Variants in PLCL2 observed in about 807,000 individuals in gnomAD.
The protein encoded by PLCL2 is inactive phospholipase C-like protein 2.
PLCL2 carries 4 observed loss-of-function variants against 79.6 expected under a neutral mutation model. That is an observed-to-expected ratio of 0.05 (90% CI 0.02 to 0.11). The LOEUF is 0.11. Ranked by LOEUF, PLCL2 falls within the 10% of genes least tolerant of loss-of-function variation. PLCL2 has a pLI of 1.00. For missense variants in PLCL2, 895 were observed against 1,291.0 expected (o/e 0.69, Z 4.70); for synonymous variants, 484 against 457.7 (o/e 1.06, Z -0.73).
chr3:16,972,032 A>C (rs2063874428), intron 1 of PLCL2, among the ~76,000 whole-genome samples: 1 of 152,006 alleles, frequency 6.6e-6, no homozygotes, highest in African/African-American at 2.4e-5. Context: ...ACGTATCTCA[A>C]AATAATAAGA....
intron 1 of PLCL2, among the ~76,000 whole-genome samples, chr3:16,959,275 G>A (rs141885541): frequency 7.9e-5 from 12 of 152,124 alleles, no homozygotes; most frequent in African/African-American, 1.4e-4. Context: ...GGTGGTCCAC[G>A]CTCCTATCTC....
intron 1 of PLCL2, among the ~76,000 whole-genome samples, chr3:16,941,973 T>C (rs938975413): frequency 2.0e-5 from 3 of 152,244 alleles, no homozygotes; most frequent in Non-Finnish European, 2.9e-5. Flanking sequence ...ACCATTCTTA[T>C]CTTTTTAGCC....
chr3:16,913,378 C>G (rs986481803), intron 1 of PLCL2, among the ~76,000 whole-genome samples: 2 of 151,030 alleles, frequency 1.3e-5, no homozygotes, highest in Admixed American at 6.6e-5. Context: ...TAGTAAGACT[C>G]TTCTGTGGGT....
At chr3:17,042,567 A>G (rs560776791) in intron 3 of PLCL2, among the ~76,000 whole-genome samples, 1 of 152,316 alleles carries the variant, frequency 6.6e-6, no homozygotes, top group South Asian at 2.1e-4. Context: ...ATTTGCACGC[A>G]TATTTGTAGC....
chr3:17,061,168 T>C (rs1289035170), intron 4 of PLCL2, among the ~76,000 whole-genome samples: 1 of 152,240 alleles, frequency 6.6e-6, no homozygotes, highest in Non-Finnish European at 1.5e-5. Context: ...GGTCGTCTGC[T>C]TTACGTTTGG....
chr3:16,953,411 A>G (rs1178731344), intron 1 of PLCL2, among the ~76,000 whole-genome samples: 1 of 152,190 alleles, frequency 6.6e-6, no homozygotes, highest in Non-Finnish European at 1.5e-5. Context: ...AGAAGATTAT[A>G]TCACTGTAAT....
intron 1 of PLCL2, among the ~76,000 whole-genome samples, chr3:16,972,810 T>C (rs1437217293): frequency 1.3e-5 from 2 of 152,126 alleles, no homozygotes; most frequent in Non-Finnish European, 2.9e-5. Context: ...GTAACTCCTG[T>C]TTTTTTCTGT....
intron 1 of PLCL2, among the ~76,000 whole-genome samples, chr3:16,963,921 C>T (rs2063779838): frequency 6.6e-6 from 1 of 152,102 alleles, no homozygotes; most frequent in African/African-American, 2.4e-5. Context: ...TTTCTTATAC[C>T]TGGCACTGTG....
intron 5 of PLCL2, among the ~76,000 whole-genome samples, chr3:17,069,891 C>T (rs2065046465): frequency 6.6e-6 from 1 of 152,110 alleles, no homozygotes; most frequent in Admixed American, 6.5e-5. Flanking sequence ...GTTTGCAGAT[C>T]AGTAAACAGC....
chr3:17,017,891 T>A (rs1280631969), intron 3 of PLCL2, among the ~76,000 whole-genome samples: 1 of 152,192 alleles, frequency 6.6e-6, no homozygotes, highest in East Asian at 1.9e-4. Context: ...ATGCAGATCG[T>A]TGTCCTAATG....
intron 1 of PLCL2, among the ~76,000 whole-genome samples, chr3:16,988,742 T>G (rs1296552516): frequency 6.6e-6 from 1 of 152,134 alleles, no homozygotes; most frequent in African/African-American, 2.4e-5. Flanking sequence ...TAGCTGAAAG[T>G]GAAATGTAAT....
chr3:16,962,691 A>G (rs2063766136), intron 1 of PLCL2, among the ~76,000 whole-genome samples: 2 of 152,184 alleles, frequency 1.3e-5, no homozygotes, highest in Admixed American at 1.3e-4. Context: ...ACTGCTTTGA[A>G]AAATAAAATG....
At chr3:16,988,368 A>T (rs2064071342) in intron 1 of PLCL2, among the ~76,000 whole-genome samples, 1 of 152,158 alleles carries the variant, frequency 6.6e-6, no homozygotes, top group Admixed American at 6.6e-5. Context: ...GTGCTAGTTG[A>T]CTTTTCCTTA....
chr3:16,914,287 G>C (rs1696944474), intron 1 of PLCL2, among the ~76,000 whole-genome samples: 1 of 152,134 alleles, frequency 6.6e-6, no homozygotes, highest in Non-Finnish European at 1.5e-5. Context: ...GAAATATATA[G>C]AACAGTGAGT....
At chr3:17,062,632 G>A (rs2064964079) in intron 4 of PLCL2, among the ~76,000 whole-genome samples, 1 of 152,212 alleles carries the variant, frequency 6.6e-6, no homozygotes, top group African/African-American at 2.4e-5. Context: ...ATGGGACATT[G>A]GCTAATAGAA....
At chr3:16,972,250 G>A (rs1452869881) in intron 1 of PLCL2, among the ~76,000 whole-genome samples, 1 of 152,178 alleles carries the variant, frequency 6.6e-6, no homozygotes, top group East Asian at 1.9e-4. Context: ...GTCCCTGTTT[G>A]CAGATGACAT....
intron 3 of PLCL2, among the ~76,000 whole-genome samples, chr3:17,022,439 A>G (rs1034890940): frequency 6.6e-6 from 1 of 152,110 alleles, no homozygotes; most frequent in Non-Finnish European, 1.5e-5. Context: ...CAGTGGCTGA[A>G]GGTGCCTCCT....
chr3:17,090,224 G>T lies in PLCL2; in HGVS notation c.*312G>T. ...TCCACTGAGAAACATTTTCCTAAGT[G>T]AAAACAATTTCTTAAGATGGAAATG... On this transcript the variant is annotated 3_prime_UTR_variant, in exon 6 of 6. Transcript: ENST00000615277. The T allele has an allele frequency of 9.8e-7, 1 of 1,022,388 alleles. No individual in the cohort carries two copies. Among genetic ancestry groups the T allele is most frequent in the Non-Finnish European group, 1.2e-6 (1 of 852,892 alleles). The allele number at this position is 1,022,388 out of a possible 1,614,324, so 63.3% of individuals were successfully genotyped here.
chr3:16,926,822 G>A (rs567247774), intron 1 of PLCL2, among the ~76,000 whole-genome samples: 37 of 151,810 alleles, frequency 2.4e-4, no homozygotes, highest in African/African-American at 8.2e-4. Context: ...TAGTAGAGAC[G>A]GTTTCACTGT....
Sources: gnomAD v4.1 joint callset for allele counts (sites outside exome capture counted in the v4.1 genomes callset) on GRCh38, gnomAD v4.1.1 for gene constraint, MANE v1.5 for transcripts, NCBI Gene and HGNC (gene_info 2026-07-23, HGNC 2026-07-21) for gene names.